RAC2: variants seen among roughly 807,000 people sequenced by gnomAD.
RAC2 encodes the protein Rac family small GTPase 2, also known as ras-related C3 botulinum toxin substrate 2.
RAC2 carries 1 observed loss-of-function variant against 24.0 expected under a neutral mutation model. The ratio of observed to expected loss-of-function variants is 0.04; its 90% CI spans 0.01 to 0.20. The LOEUF is 0.20. Among genes scored for constraint, RAC2 ranks in the 10% least tolerant of loss-of-function variants. The probability of loss-of-function intolerance (pLI) is 1.00; values close to 1 mark genes in which losing one functional copy is unlikely to be tolerated. For missense variants in RAC2, 130 were observed against 259.1 expected (o/e 0.50, Z 3.42); for synonymous variants, 114 against 106.8 (o/e 1.07, Z -0.41).
Position 37,241,688 on chromosome 22 carries a change from G to A in RAC2, c.36-30C>T, listed in dbSNP as rs367837744. The A allele has an allele frequency of 5.0e-5, 80 of 1,592,982 alleles. No individual in the cohort carries two copies. In the Admixed American group the frequency reaches 5.2e-4, roughly 10 times the overall value. On this transcript the variant is annotated intron_variant, in intron 1 of 6. Transcript: ENST00000249071. ...AAGACAGGAAGTGCAAGAGGGCGGCGGTCATGGGCTCTGCCGGAGACGTGG... is the reference window on the plus strand; with the variant it reads ...AAGACAGGAAGTGCAAGAGGGCGGCAGTCATGGGCTCTGCCGGAGACGTGG...
At position 37,231,435 on chromosome 22, in the gene RAC2, G is replaced by C. The variant is rs767514506; in HGVS notation, c.289-45C>G. ...GACACAAGGTTGTATGGGTCAAGAG[G>C]GGGCGCGAGGCTGTGCGGGGATCAG... On this transcript the variant is annotated intron_variant, in intron 4 of 6. Coordinates refer to ENST00000249071, the MANE Select transcript of RAC2 (RefSeq NM_002872.5). This position sits in a 1 kb window ranked among gnomAD's most constrained non-coding sequence, Gnocchi z 5.5. The C allele has an allele frequency of 3.8e-6, 6 of 1,589,600 alleles. No individual in the cohort carries two copies. In the Admixed American group the frequency reaches 1.0e-4, roughly 27 times the overall value.
chr22:37,233,275 G>GGT (rs1927128025), intron 2 of RAC2, among the ~76,000 whole-genome samples: 1 of 140,478 alleles, frequency 7.1e-6, no homozygotes, highest in Admixed American at 6.8e-5. Context: ...GCTTTTTGTT[G>GGT]TTTTTTGTTT....
At chr22:37,230,277 C>G (rs1319722694) in intron 5 of RAC2, among the ~76,000 whole-genome samples, 1 of 102,876 alleles carries the variant, frequency 9.7e-6, no homozygotes, top group Non-Finnish European at 2.1e-5. Context: ...TGGGGCGGGG[C>G]TGGGGCGGTG....
chr22:37,235,655 C>A (rs1407968129), intron 2 of RAC2, among the ~76,000 whole-genome samples: 1 of 152,214 alleles, frequency 6.6e-6, no homozygotes, highest in Non-Finnish European at 1.5e-5. Flanking sequence ...AGGAAGAAGG[C>A]GCTGTCCAGG....
At position 37,225,822 on chromosome 22, in the gene RAC2, G is replaced by C. The variant is rs1229161013; in HGVS notation, c.*220C>G. On this transcript the variant is annotated 3_prime_UTR_variant, in exon 7 of 7. Coordinates refer to ENST00000249071, the MANE Select transcript of RAC2 (RefSeq NM_002872.5). ...GGGCTCCCCTCTGGCCCTCAGGAAG[G>C]CAGGAGCATGAGGGGCTTGGGATGC... The C allele has an allele frequency of 6.6e-6, 1 of 152,286 alleles. No individual in the cohort carries two copies. The highest frequency in any genetic ancestry group is 1.5e-5 in the Non-Finnish European group (1 of 68,124). The allele number at this position is 152,286 out of a possible 1,614,324, so 9.4% of individuals were successfully genotyped here. A position where few individuals can be genotyped will look rare whatever the true frequency, so the allele number is the denominator to read the frequency against.
chr22:37,226,956 C>CCCT (rs1926864140), intron 5 of RAC2, among the ~76,000 whole-genome samples, 153 bp from the exon 6 acceptor site: 1 of 134,596 alleles, frequency 7.4e-6, no homozygotes, highest in East Asian at 2.2e-4. Context: ...GTGCCATACA[C>CCCT]CCCTCCCACG....
chr22:37,228,300 C>A (rs1023161356), intron 5 of RAC2, among the ~76,000 whole-genome samples: 5 of 152,216 alleles, frequency 3.3e-5, no homozygotes, highest in African/African-American at 9.7e-5. Flanking sequence ...CACATGAAGA[C>A]CCCTCAGGGC....
intron 2 of RAC2, among the ~76,000 whole-genome samples, chr22:37,238,825 G>A (rs1927311859): frequency 6.6e-6 from 1 of 152,218 alleles, no homozygotes; most frequent in African/African-American, 2.4e-5. Context: ...GCAGCCCCAC[G>A]AGTCCTGGCA....
intron 5 of RAC2, among the ~76,000 whole-genome samples, chr22:37,228,074 G>T (rs114079284): frequency 0.016 from 2,438 of 152,168 alleles, 53 homozygotes; most frequent in African/African-American, 0.052. Context: ...GAAGCCCTCA[G>T]GGCCCCCTCC....
chr22:37,230,544 C>T (rs1337350667), intron 5 of RAC2, among the ~76,000 whole-genome samples: 1 of 152,110 alleles, frequency 6.6e-6, no homozygotes, highest in African/African-American at 2.4e-5. Flanking sequence ...TGAGCCACTA[C>T]AAAGAAGCAC....
At chr22:37,240,110 C>A (rs1927342859) in intron 2 of RAC2, among the ~76,000 whole-genome samples, 1 of 152,154 alleles carries the variant, frequency 6.6e-6, no homozygotes, top group Admixed American at 6.5e-5. Context: ...GCAGAGTGTC[C>A]CGGGGAGAGA....
chr22:37,226,139 C>T (rs1401698540), intron 6 of RAC2, 100 bp from the exon 7 acceptor site: 1 of 163,892 alleles, frequency 6.1e-6, no homozygotes, highest in African/African-American at 2.4e-5. Context: ...CAGGTCTTTG[C>T]TCAAGGTTTG....
intron 5 of RAC2, among the ~76,000 whole-genome samples, chr22:37,229,249 C>A (rs1408239475): frequency 3.2e-5 from 1 of 30,894 alleles, no homozygotes; most frequent in African/African-American, 2.2e-4. Context: ...GATGGCTCAT[C>A]AAGCTGAGGC....
At chr22:37,235,002 G>A (rs1353714749) in intron 2 of RAC2, among the ~76,000 whole-genome samples, 2 of 152,284 alleles carry the variant, frequency 1.3e-5, no homozygotes, top group East Asian at 3.9e-4. Flanking sequence ...ACCCCTTCAA[G>A]GGCTGTGGGT....
At chr22:37,226,619 A>T in intron 6 of RAC2, 52 bp downstream of exon 6, 2 of 1,599,860 alleles carry the variant, frequency 1.3e-6, no homozygotes, top group Non-Finnish European at 1.7e-6. Flanking sequence ...GCCACTGCTC[A>T]GCCAGGGCCT....
rs1418005156 is a variant in RAC2 at position 37,231,961 on chromosome 22, G to C, written c.259C>G (p.Pro87Ala). The C allele has an allele frequency of 6.4e-7, 1 of 1,552,376 alleles. No individual in the cohort carries two copies. The highest frequency in any genetic ancestry group is 8.7e-7 in the Non-Finnish European group (1 of 1,147,488). ...GCGCGGACGTTCTCATAAGAGGCTG[G>C]GCTGACGAGGGAGAAGCAGATGAGG... ...VFLICFSLVS[P>A]ASYENVRAKW... The change falls in exon 4 of 7, where the codon CCA becomes GCA. Residue 87 changes from proline to alanine, a missense_variant. Transcript: ENST00000249071. The surrounding 1 kb of genome is among the most constrained non-coding windows in gnomAD (Gnocchi z 5.5).
rs575346181 is a variant in RAC2 at position 37,240,684 on chromosome 22, G to A, written c.107+903C>T. On this transcript the variant is annotated intron_variant, in intron 2 of 6. Transcript: ENST00000249071. ...GGCCATGGCTCCCTGCCCTCCACAG[G>A]CTCATAGTCATGGGAGAGATCAGAT... 11 of 317,454 alleles carry A rather than the reference G, an allele frequency of 3.5e-5. No homozygotes were observed. In the South Asian group the frequency reaches 4.8e-4, roughly 14 times the overall value. 19.7% of individuals were successfully genotyped at this position (317,454 alleles called of 1,614,324 possible). A position where few individuals can be genotyped will look rare whatever the true frequency, so the allele number is the denominator to read the frequency against.
intron 2 of RAC2, among the ~76,000 whole-genome samples, chr22:37,239,806 A>C (rs1258470925): frequency 1.3e-5 from 2 of 152,298 alleles, no homozygotes; most frequent in South Asian, 4.1e-4. Context: ...ACTGCTGGTG[A>C]CCATGGCCTT....
intron 1 of RAC2, 101 bp from the exon 2 acceptor site, chr22:37,241,759 G>A: frequency 9.2e-7 from 1 of 1,084,716 alleles, no homozygotes. Flanking sequence ...CATCCACCCA[G>A]CCTAGCCCTC....
Sources: allele counts gnomAD v4.1 joint callset (sites outside exome capture counted in the v4.1 genomes callset), GRCh38; gene constraint gnomAD v4.1.1; non-coding constraint Gnocchi (gnomAD v3.1); transcripts MANE v1.5; gene names NCBI Gene and HGNC (gene_info 2026-07-23, HGNC 2026-07-21).